GXYLT1: variants seen among roughly 807,000 people sequenced by gnomAD.
GXYLT1 encodes glycosyltransferase 8 domain containing 3.
In GXYLT1, 29 loss-of-function variants were observed where a neutral mutation model predicts 54.0. The ratio of observed to expected loss-of-function variants is 0.54; its 90% CI spans 0.40 to 0.73. GXYLT1 has a LOEUF of 0.73. Ranked by LOEUF, GXYLT1 falls within the 30% of genes least tolerant of loss-of-function variation. The probability of loss-of-function intolerance (pLI) is 0.00; values close to 1 mark genes in which losing one functional copy is unlikely to be tolerated. For missense variants in GXYLT1, 490 were observed against 553.4 expected, an observed-to-expected ratio of 0.89 and a Z score of 1.15; for synonymous variants, 176 against 204.1, an observed-to-expected ratio of 0.86 and a Z score of 1.17.
intron 5 of GXYLT1, among the ~76,000 whole-genome samples, chr12:42,104,779 G>A (rs186620704): frequency 1.3e-5 from 2 of 152,262 alleles, no homozygotes; most frequent in Admixed American, 1.3e-4. Flanking sequence ...AAAAACGCAT[G>A]ACAAAAATAC....
Position 42,122,740 on chromosome 12 carries a change from T to C in GXYLT1, c.315-3569A>G, listed in dbSNP as rs187106149. On this transcript the variant is annotated intron_variant, in intron 2 of 7. Transcript: ENST00000398675. ...AAAATTCACTATTTTGCAATCACCA[T>C]TGTAACAGATAATCTGGACAAAAAT... Among the ~76,000 whole-genome samples, 6 of 152,284 alleles carry C rather than the reference T, an allele frequency of 3.9e-5. No individual in the cohort carries two copies. The East Asian group carries it at 1.2e-3, about 29-fold the overall frequency.
chr12:42,131,235 G>A (rs2065592406), intron 1 of GXYLT1, among the ~76,000 whole-genome samples: 1 of 152,134 alleles, frequency 6.6e-6, no homozygotes, highest in African/African-American at 2.4e-5. Context: ...TGAAGTCAGG[G>A]TGAGTCACTA....
chr12:42,109,570 A>G lies in GXYLT1; in HGVS notation c.608T>C (p.Leu203Ser). 1 of 1,517,916 alleles carries G rather than the reference A, an allele frequency of 6.6e-7. No homozygotes were observed. Among genetic ancestry groups the G allele is most frequent in the African/African-American group, 1.4e-5 (1 of 70,014 alleles). 94.0% of individuals were successfully genotyped at this position (1,517,916 alleles called of 1,614,324 possible). ...ACACTAGGGGAAAAAACTTACCGGC[A>G]AGAACAATCTCTGCGAAGCACATGG... The part of the protein sequence containing the change: ...FKPCASQRLF[L>S]PLILKEVDSL... The change falls in exon 4 of 8, where the codon TTG (leucine) becomes TCG (serine). Residue 203 changes from leucine (L) to serine (S), a missense_variant. Leu to Ser is a moderately radical substitution (Grantham distance 145). This residue lies in a region of GXYLT1 where 342 missense variants were observed against 342.6 expected (regional missense o/e 1.00). Transcript: ENST00000398675.
chr12:42,110,155 A>G (rs2065444554), intron 3 of GXYLT1, among the ~76,000 whole-genome samples: 1 of 152,376 alleles, frequency 6.6e-6, no homozygotes, highest in East Asian at 1.9e-4. Flanking sequence ...TAGCTTTAAT[A>G]TGCCTAAATA....
intron 2 of GXYLT1, among the ~76,000 whole-genome samples, chr12:42,120,841 G>C (rs538526191): frequency 9.3e-5 from 14 of 150,764 alleles, no homozygotes; most frequent in Admixed American, 2.6e-4. Context: ...TGGCCAGTTT[G>C]GGTCTTTTTA....
rs1255503390 is a variant in GXYLT1, at chr12:42,086,421, A to G, written c.*1365T>C. ...TGTCTTCACAAAGCTAACTGCCACA[A>G]TTTTCACAGGTTGTATTTTTCCTTC... On this transcript the variant is annotated 3_prime_UTR_variant, in exon 8 of 8. Coordinates refer to ENST00000398675, the MANE Select transcript of GXYLT1 (RefSeq NM_173601.2). The G allele has an allele frequency of 2.6e-5, 4 of 152,152 alleles. No homozygotes were observed. The highest frequency in any genetic ancestry group is 4.8e-5 in the African/African-American group (2 of 41,426). The allele number at this position is 152,152 out of a possible 1,614,324, so 9.4% of individuals were successfully genotyped here.
intron 3 of GXYLT1, among the ~76,000 whole-genome samples, chr12:42,109,946 T>C (rs1247799228): frequency 4.6e-5 from 7 of 152,110 alleles, no homozygotes; most frequent in African/African-American, 1.7e-4. Context: ...ACTCCCAAAA[T>C]CAGAAAGGTG....
intron 1 of GXYLT1, among the ~76,000 whole-genome samples, chr12:42,134,202 C>T (rs968640352): frequency 6.7e-6 from 1 of 148,922 alleles, no homozygotes; most frequent in African/African-American, 2.5e-5. Context: ...CCCTCTCTGA[C>T]AAAAGAAAAA....
In GXYLT1 at chr12:42,144,830, C is replaced by G. The variant is rs984943410; in HGVS notation, c.-184G>C. 25 of 386,190 alleles carry G rather than the reference C, an allele frequency of 6.5e-5. No individual in the cohort carries two copies. In the Admixed American group the frequency reaches 1.1e-3, roughly 18 times the overall value. The allele number at this position is 386,190 out of a possible 1,614,324, so 23.9% of individuals were successfully genotyped here. On this transcript the variant is annotated 5_prime_UTR_variant, in exon 1 of 8. Coordinates refer to ENST00000398675, the MANE Select transcript of GXYLT1 (RefSeq NM_173601.2). ...CACCTAGGCGAGCGCAGTCGCGGCT[C>G]CGGAGCCGAAGGACTACCCGCCCGG... is the stretch of plus-strand genomic sequence containing the variant.
At chr12:42,111,748 C>T (rs60164617) in intron 3 of GXYLT1, among the ~76,000 whole-genome samples, 3,667 of 152,340 alleles carry the variant, frequency 0.024, 146 homozygotes, top group African/African-American at 0.084. Context: ...GTAACCTCTG[C>T]AGACTTAAAT....
At chr12:42,110,141 T>G (rs2065444385) in intron 3 of GXYLT1, among the ~76,000 whole-genome samples, 1 of 152,216 alleles carries the variant, frequency 6.6e-6, no homozygotes, top group Non-Finnish European at 1.5e-5. Context: ...TGTCCATCAA[T>G]GCATAGCTTT....
chr12:42,098,536 C>T (rs1592104125), intron 5 of GXYLT1, among the ~76,000 whole-genome samples: 1 of 151,542 alleles, frequency 6.6e-6, no homozygotes, highest in African/African-American at 2.4e-5. Context: ...AAAATGCATA[C>T]ACAACTTAAG....
At chr12:42,099,772 C>G (rs1231146101) in intron 5 of GXYLT1, among the ~76,000 whole-genome samples, 1 of 152,056 alleles carries the variant, frequency 6.6e-6, no homozygotes, top group Non-Finnish European at 1.5e-5. Flanking sequence ...ATCACTTGAG[C>G]CTGGGAGGTG....
At chr12:42,137,041 T>C (rs1216822555) in intron 1 of GXYLT1, among the ~76,000 whole-genome samples, 1 of 152,138 alleles carries the variant, frequency 6.6e-6, no homozygotes, top group Admixed American at 6.5e-5. Flanking sequence ...CTGCTAGGAT[T>C]ACAGGTACGA....
chr12:42,127,524 A>AAT (rs1167267097), intron 2 of GXYLT1, among the ~76,000 whole-genome samples: 3 of 152,226 alleles, frequency 2.0e-5, no homozygotes, highest in Non-Finnish European at 4.4e-5. Context: ...TGGGAGCATT[A>AAT]GGAAAATGAG....
In GXYLT1 at chr12:42,109,968, C is replaced by T. The variant is rs189728208; in HGVS notation, c.487-277G>A. On this transcript the variant is annotated intron_variant, in intron 3 of 7. Transcript: ENST00000398675. ...AAATCAGAAAGGTGAAAGACCCTCG[C>T]AAGTTTGTCTTCCTCAACTTTACCT... Among the ~76,000 whole-genome samples the T allele has an allele frequency of 8.6e-4, 131 of 152,304 alleles. 1 individual carries two copies. The highest frequency in any genetic ancestry group is 2.2e-3 in the Admixed American group (34 of 15,302).
chr12:42,105,924 A>T lies in GXYLT1; in HGVS notation c.758T>A (p.Ile253Lys). 2 of 1,614,106 alleles carry T rather than the reference A, an allele frequency of 1.2e-6. No individual in the cohort carries two copies. The highest frequency in any genetic ancestry group is 1.7e-6 in the Non-Finnish European group (2 of 1,179,958). ...CCTAGCAAAGCGATTATACCATCCT[A>T]TTCGAGGTTCCTCATGTTCTGGTGC... is the stretch of plus-strand genomic sequence containing the variant. ...AMAPEHEEPR[I>K]GWYNRFARHP... The change falls in exon 5 of 8, where the codon ATA becomes AAA. Residue 253 changes from isoleucine (I) to lysine (K), a missense_variant. Around this residue, in one of 2 missense-constraint regions of GXYLT1, gnomAD observed 342 missense variants for 342.6 expected, o/e 1.00. Coordinates refer to ENST00000398675, the MANE Select transcript of GXYLT1 (RefSeq NM_173601.2).
At chr12:42,117,675 C>T (rs1411274743) in intron 3 of GXYLT1, among the ~76,000 whole-genome samples, 1 of 152,156 alleles carries the variant, frequency 6.6e-6, no homozygotes, top group South Asian at 2.1e-4. Context: ...ATCACCTTTA[C>T]CACCATCTCA....
chr12:42,093,065 T>C (rs1287185090), intron 7 of GXYLT1, among the ~76,000 whole-genome samples: 3 of 152,130 alleles, frequency 2.0e-5, no homozygotes, highest in Admixed American at 2.0e-4. Flanking sequence ...ACGTTAGCAG[T>C]CCCTAATATA....
Sources: gnomAD v4.1 joint callset for allele counts (sites outside exome capture counted in the v4.1 genomes callset) on GRCh38, gnomAD v4.1.1 for gene constraint, gnomAD v4.1.1 regional missense constraint, MANE v1.5 for transcripts, NCBI Gene and HGNC (gene_info 2026-07-23, HGNC 2026-07-21) for gene names.